The following ACSM2A variants were observed in gnomAD, a reference collection of about 807,000 sequenced individuals.
ACSM2A encodes acyl-coenzyme A synthetase ACSM2A, mitochondrial.
In ACSM2A, 72 loss-of-function variants were observed where a neutral mutation model predicts 76.6. The observed-to-expected ratio is 0.94, with a 90% CI of 0.78 to 1.14. The LOEUF (loss-of-function observed/expected upper bound fraction) is 1.14. Among genes scored for constraint, ACSM2A ranks in the 50% most tolerant of loss-of-function variants. The pLI, the probability that ACSM2A is intolerant of heterozygous loss-of-function variation, is 0.00. For synonymous variants in ACSM2A, 249 were observed against 255.9 expected (o/e 0.97, Z 0.26); for missense variants, 684 against 708.5 (o/e 0.97, Z 0.39).
intron 4 of ACSM2A, 44 bp from the exon 5 acceptor site, chr16:20,471,028 TG>T (rs1406672148): frequency 1.2e-6 from 2 of 1,609,016 alleles, no homozygotes; most frequent in Admixed American, 3.3e-5. Flanking sequence ...TGATATCTGG[TG>T]TCCAGTCTAG....
In ACSM2A at chr16:20,471,138, C is replaced by G; in HGVS notation, c.662C>G (p.Thr221Ser). Residue 221 changes from threonine to serine, a missense_variant, in exon 5 of 14, where the codon ACT becomes AGT. Around this residue, in one of 3 missense-constraint regions of ACSM2A, gnomAD observed 519 missense variants for 549.5 expected, o/e 0.94. Coordinates refer to ENST00000573854, the MANE Select transcript of ACSM2A (RefSeq NM_001308172.2). ...CAGGAAGCATCTGCCATCTACTTCA[C>G]TAGTGGGACCAGTGGTCTTCCCAAG... is the stretch of plus-strand genomic sequence containing the variant. Reference protein sequence around the residue: ...GSQEASAIYFTSGTSGLPKMA... With the variant: ...GSQEASAIYFSSGTSGLPKMA... The G allele has an allele frequency of 6.2e-7, 1 of 1,613,656 alleles. No individual in the cohort carries two copies. The highest frequency in any genetic ancestry group is 8.5e-7 in the Non-Finnish European group (1 of 1,179,654).
In ACSM2A at chr16:20,467,294, G is replaced by C. The variant is rs758898135; in HGVS notation, c.388+1567G>C. ...CCTTGTGGTCCTTGGTAAGAGTTGTGGACATTTATCCAGTGGTGAATGGGA... is the reference window on the plus strand; with the variant it reads ...CCTTGTGGTCCTTGGTAAGAGTTGTCGACATTTATCCAGTGGTGAATGGGA... On this transcript the variant is annotated intron_variant, in intron 3 of 13. Coordinates refer to ENST00000573854, the MANE Select transcript of ACSM2A (RefSeq NM_001308172.2). Among the ~76,000 whole-genome samples the C allele has an allele frequency of 1.6e-4, 24 of 152,168 alleles. 1 individual carries two copies. The highest frequency in any genetic ancestry group is 3.3e-4 in the Admixed American group (5 of 15,302).
chr16:20,458,524 G>C (rs1193772213), intron 1 of ACSM2A, among the ~76,000 whole-genome samples: 1 of 142,536 alleles, frequency 7.0e-6, no homozygotes, highest in African/African-American at 2.6e-5. Context: ...TATATAATGT[G>C]TTATATACAA....
chr16:20,466,926 A>G (rs1174359273), intron 3 of ACSM2A, among the ~76,000 whole-genome samples: 1 of 152,196 alleles, frequency 6.6e-6, no homozygotes, highest in East Asian at 1.9e-4. Flanking sequence ...GGCAGTTTCA[A>G]TCTCCAAGCA....
At chr16:20,458,908 A>ATATATATATATATATATATATATG in intron 1 of ACSM2A, among the ~76,000 whole-genome samples, 1 of 57,002 alleles carries the variant, frequency 1.8e-5, no homozygotes, top group South Asian at 4.3e-4. Context: ...ATATATGCAT[A>ATATATATATATATATATATATATG]TATATATATA....
chr16:20,460,591 G>A (rs967658789), intron 2 of ACSM2A, among the ~76,000 whole-genome samples: 1 of 151,582 alleles, frequency 6.6e-6, no homozygotes, highest in Non-Finnish European at 1.5e-5. Flanking sequence ...GTGAAATGAG[G>A]ACTTTTGGTC....
chr16:20,485,893 T>C (rs2014359193), intron 13 of ACSM2A, among the ~76,000 whole-genome samples: 1 of 152,250 alleles, frequency 6.6e-6, no homozygotes, highest in African/African-American at 2.4e-5. Context: ...ATGAGGCATC[T>C]TCACCATCCA....
At chr16:20,475,830 CTT>C (rs1261481326) in intron 8 of ACSM2A, 57 bp downstream of exon 8, 1 of 1,598,428 alleles carries the variant, frequency 6.3e-7, no homozygotes. Flanking sequence ...TCAAAATTCT[CTT>C]TGACAATAAA....
At chr16:20,467,974 G>A (rs1239535803) in intron 3 of ACSM2A, among the ~76,000 whole-genome samples, 2 of 151,902 alleles carry the variant, frequency 1.3e-5, no homozygotes, top group Non-Finnish European at 2.9e-5. Context: ...CTCATATTCT[G>A]GGGACAATGG....
chr16:20,456,822 T>C (rs1248534784), intron 1 of ACSM2A, among the ~76,000 whole-genome samples: 3 of 148,454 alleles, frequency 2.0e-5, no homozygotes, highest in Non-Finnish European at 4.5e-5. Context: ...CTAAATGAAA[T>C]TGAGATAAAA....
At chr16:20,482,965 AG>A in intron 12 of ACSM2A, 92 bp from the exon 13 acceptor site, 1 of 1,551,964 alleles carries the variant, frequency 6.4e-7, no homozygotes, top group Non-Finnish European at 8.8e-7. Flanking sequence ...AGGAGATACA[AG>A]GGTGATGGAA....
At chr16:20,471,742 A>C in intron 6 of ACSM2A, 53 bp downstream of exon 6, 1 of 1,572,340 alleles carries the variant, frequency 6.4e-7, no homozygotes, top group Non-Finnish European at 8.6e-7. Flanking sequence ...CGAGGTTTGC[A>C]CACTTCAATT....
rs188710374 is a variant in ACSM2A, at chr16:20,463,767, G to A, written c.178-1750G>A. On this transcript the variant is annotated intron_variant, in intron 2 of 13. Coordinates refer to ENST00000573854, the MANE Select transcript of ACSM2A (RefSeq NM_001308172.2). ...TACCTTATATAAATGAAATCACACA[G>A]TATTTGGTTTTTTGTGTCTGGCTAA... Among the ~76,000 whole-genome samples the A allele has an allele frequency of 5.6e-3, 847 of 152,280 alleles. 5 individuals carry two copies. Among genetic ancestry groups the A allele is most frequent in the African/African-American group, 0.019 (809 of 41,548 alleles).
intron 1 of ACSM2A, chr16:20,452,170 C>A (rs1297822967): frequency 1.3e-4 from 19 of 151,772 alleles, no homozygotes; most frequent in Admixed American, 1.2e-3. Context: ...AGTGTTGATC[C>A]TGGATGTGTC....
intron 1 of ACSM2A, among the ~76,000 whole-genome samples, chr16:20,456,903 A>G (rs573120892): frequency 1.7e-4 from 23 of 134,438 alleles, no homozygotes; most frequent in Admixed American, 1.6e-3. Context: ...ACCATTAGGA[A>G]GATTAACCAA....
At chr16:20,484,180 A>C (rs1329041265) in intron 13 of ACSM2A, among the ~76,000 whole-genome samples, 1 of 150,314 alleles carries the variant, frequency 6.7e-6, no homozygotes, top group Non-Finnish European at 1.5e-5. Context: ...GAGAAAGTGC[A>C]GGGGGGATGG....
At chr16:20,454,528 G>T (rs1011011749) in intron 1 of ACSM2A, among the ~76,000 whole-genome samples, 1 of 151,786 alleles carries the variant, frequency 6.6e-6, no homozygotes, top group Non-Finnish European at 1.5e-5. Flanking sequence ...GGCCTCCCCT[G>T]AGGCAGTTGC....
Position 20,483,075 on chromosome 16 carries a change from G to A in ACSM2A, c.1527G>A (p.Val509=), listed in dbSNP as rs551671097. The A allele has an allele frequency of 1.2e-6, 2 of 1,613,890 alleles. No homozygotes were observed. The highest frequency in any genetic ancestry group is 3.3e-5 in the Admixed American group (2 of 60,008). ...TTTTGCAGGTGGTGAAGGCATTTGT[G>A]GTCCTGGCCTCGCAGTTCCTGTCCC... ...PVRGEVVKAF[V]VLASQFLSHD... Residue 509 remains valine, a synonymous_variant, in exon 13 of 14, where the codon GTG becomes GTA. Coordinates refer to ENST00000573854, the MANE Select transcript of ACSM2A (RefSeq NM_001308172.2).
chr16:20,463,515 A>G (rs2012766281), intron 2 of ACSM2A, among the ~76,000 whole-genome samples: 3 of 151,820 alleles, frequency 2.0e-5, no homozygotes, highest in Non-Finnish European at 4.4e-5. Context: ...CATACATGGC[A>G]CTTCCCCACG....
Sources: allele counts gnomAD v4.1 joint callset (sites outside exome capture counted in the v4.1 genomes callset), GRCh38; gene constraint gnomAD v4.1.1; regional missense constraint gnomAD v4.1.1; transcripts MANE v1.5; gene names NCBI Gene and HGNC (gene_info 2026-07-23, HGNC 2026-07-21).